Variants in ADCY2 observed in about 807,000 individuals in gnomAD.
The protein encoded by ADCY2 is adenylate cyclase type 2.
In ADCY2, 31 loss-of-function variants were observed where a neutral mutation model predicts 125.2. The ratio of observed to expected loss-of-function variants is 0.25; its 90% CI spans 0.19 to 0.33. ADCY2 has a LOEUF of 0.33. ADCY2 is among the 10% of genes least tolerant of loss of function. The pLI is 1.00. For synonymous variants in ADCY2, 512 were observed against 548.4 expected (o/e 0.93, Z 0.93); for missense variants, 904 against 1,418.2 (o/e 0.64, Z 5.82).
chr5:7,682,334 A>G (rs959034271), intron 4 of ADCY2, among the ~76,000 whole-genome samples: 1 of 152,202 alleles, frequency 6.6e-6, no homozygotes, highest in African/African-American at 2.4e-5. Flanking sequence ...ACAACCTTGA[A>G]TGCTGCAAAC....
intron 2 of ADCY2, among the ~76,000 whole-genome samples, chr5:7,429,888 T>C (rs1270217888): frequency 6.6e-6 from 1 of 152,016 alleles, no homozygotes; most frequent in Non-Finnish European, 1.5e-5. Flanking sequence ...AACAACAAAA[T>C]TGGAAGCAGG....
At chr5:7,637,431 C>CAAA (rs71591740) in intron 4 of ADCY2, among the ~76,000 whole-genome samples, 34 of 74,352 alleles carry the variant, frequency 4.6e-4, no homozygotes, top group East Asian at 1.3e-3. Flanking sequence ...GACTCCGTCT[C>CAAA]AAAAAAAAAA....
At chr5:7,660,789 A>AAG (rs1271223677) in intron 4 of ADCY2, among the ~76,000 whole-genome samples, 1 of 151,518 alleles carries the variant, frequency 6.6e-6, no homozygotes, top group Non-Finnish European at 1.5e-5. Context: ...TCACATGTTA[A>AAG]AAAAAAAATA....
chr5:7,614,706 G>T (rs1039166686), intron 3 of ADCY2, among the ~76,000 whole-genome samples: 4 of 152,138 alleles, frequency 2.6e-5, no homozygotes, highest in African/African-American at 9.7e-5. Context: ...CAGGCAAGTG[G>T]GAGGCATGGC....
At chr5:7,794,581 CAGAA>C (rs75890187) in intron 20 of ADCY2, 50,006 of 151,830 alleles carry the variant, frequency 0.33, 8,532 homozygotes, top group Admixed American at 0.46. Flanking sequence ...CAGTGAGTCT[CAGAA>C]AGGGAGAGTT....
intron 2 of ADCY2, among the ~76,000 whole-genome samples, chr5:7,511,439 G>T (rs1744054970): frequency 6.6e-6 from 1 of 151,962 alleles, no homozygotes; most frequent in Admixed American, 6.6e-5. Context: ...GCCGGGTGTG[G>T]TGGTGCACAC....
At chr5:7,721,276 C>T (rs1388802774) in intron 12 of ADCY2, among the ~76,000 whole-genome samples, 1 of 152,070 alleles carries the variant, frequency 6.6e-6, no homozygotes, top group Non-Finnish European at 1.5e-5. Flanking sequence ...TGTTTGAGTT[C>T]TTTGTAGATT....
intron 12 of ADCY2, among the ~76,000 whole-genome samples, chr5:7,721,894 A>G (rs1299225674): frequency 6.6e-6 from 1 of 152,234 alleles, no homozygotes; most frequent in Non-Finnish European, 1.5e-5. Flanking sequence ...TTTAGATACT[A>G]TCCATCAAAA....
chr5:7,802,101 G>A lies in ADCY2; in HGVS notation c.2629-117G>A. 8.3e-7 allele frequency: 1 copy of A among 1,204,132 alleles called. No homozygotes were observed. Among genetic ancestry groups the A allele is most frequent in the Non-Finnish European group, 1.2e-6 (1 of 860,552 alleles). 74.6% of individuals were successfully genotyped at this position (1,204,132 alleles called of 1,614,324 possible). A position where few individuals can be genotyped will look rare whatever the true frequency, so the allele number is the denominator to read the frequency against. ...CCGCGGCTGGGGTGGGGCAAGTGGA[G>A]TAGGCATTTGGGCGATGTCTGTGTG... On this transcript the variant is annotated intron_variant, in intron 20 of 24. Transcript: ENST00000338316. This position sits in a 1 kb window ranked among gnomAD's most constrained non-coding sequence, Gnocchi z 4.6.
At chr5:7,781,905 G>A (rs964484667) in intron 18 of ADCY2, among the ~76,000 whole-genome samples, 1 of 152,124 alleles carries the variant, frequency 6.6e-6, no homozygotes, top group Non-Finnish European at 1.5e-5. Context: ...AACCATAGGG[G>A]CCCTAACAGC....
At chr5:7,612,304 G>A (rs934394210) in intron 3 of ADCY2, among the ~76,000 whole-genome samples, 2 of 152,202 alleles carry the variant, frequency 1.3e-5, no homozygotes, top group East Asian at 3.8e-4. Flanking sequence ...TCAATGAAAT[G>A]ACAAAATAGT....
At chr5:7,428,065 G>A (rs1165747339) in intron 2 of ADCY2, among the ~76,000 whole-genome samples, 1 of 152,198 alleles carries the variant, frequency 6.6e-6, no homozygotes, top group South Asian at 2.1e-4. Flanking sequence ...CACACCCCAG[G>A]GAGCTGGGCC....
At position 7,802,146 on chromosome 5, in the gene ADCY2, C is replaced by T; in HGVS notation, c.2629-72C>T. ...TGTGTGAATCCTGGCATAAACAAGC[C>T]ACTTGCCTGTGGAGTGTTTCTGTTT... On this transcript the variant is annotated intron_variant, in intron 20 of 24. Transcript: ENST00000338316. The surrounding 1 kb of genome is among the most constrained non-coding windows in gnomAD (Gnocchi z 4.6). 1 of 1,544,754 alleles carries T rather than the reference C, an allele frequency of 6.5e-7. No individual in the cohort carries two copies. The highest frequency in any genetic ancestry group is 1.2e-5 in the South Asian group (1 of 82,354).
chr5:7,631,635 G>A (rs1738313905), intron 4 of ADCY2, among the ~76,000 whole-genome samples: 1 of 152,222 alleles, frequency 6.6e-6, no homozygotes, highest in Admixed American at 6.5e-5. Context: ...TAAGAAGGCA[G>A]TCAGTAGCTG....
At chr5:7,450,380 T>C (rs780217117) in intron 2 of ADCY2, among the ~76,000 whole-genome samples, 12 of 152,192 alleles carry the variant, frequency 7.9e-5, no homozygotes, top group Non-Finnish European at 1.6e-4. Flanking sequence ...GTCACAACAT[T>C]CCCTTAAGCC....
At chr5:7,720,156 C>T (rs1579353938) in intron 12 of ADCY2, among the ~76,000 whole-genome samples, 1 of 151,988 alleles carries the variant, frequency 6.6e-6, no homozygotes. Flanking sequence ...ACACACATTC[C>T]CTCTCCCTTC....
intron 3 of ADCY2, among the ~76,000 whole-genome samples, chr5:7,573,593 CTTTTTT>C (rs763347773): frequency 4.2e-4 from 36 of 86,376 alleles, no homozygotes; most frequent in Non-Finnish European, 7.2e-4. Context: ...GGTTGATTTT[CTTTTTT>C]TTTTTTTTTT....
chr5:7,518,886 AG>A (rs1433836855), intron 2 of ADCY2, among the ~76,000 whole-genome samples: 1 of 152,168 alleles, frequency 6.6e-6, no homozygotes, highest in Non-Finnish European at 1.5e-5. Context: ...CTGGGCCCTG[AG>A]GCCCCTGAGA....
chr5:7,785,550 G>A (rs894093286), intron 19 of ADCY2, among the ~76,000 whole-genome samples: 3 of 146,404 alleles, frequency 2.0e-5, no homozygotes, highest in Admixed American at 7.1e-5. Flanking sequence ...CACCATATCC[G>A]GTTCTTTTTC....
Sources: allele counts gnomAD v4.1 joint callset (sites outside exome capture counted in the v4.1 genomes callset), GRCh38; gene constraint gnomAD v4.1.1; non-coding constraint Gnocchi (gnomAD v3.1); transcripts MANE v1.5; gene names NCBI Gene and HGNC (gene_info 2026-07-23, HGNC 2026-07-21).